RARB: variants seen among roughly 807,000 people sequenced by gnomAD.
The protein encoded by RARB is retinoic acid receptor beta.
Under a neutral mutation model 51.9 loss-of-function variants are expected in RARB, and 17 were observed. The ratio of observed to expected loss-of-function variants is 0.33; its 90% CI spans 0.22 to 0.49. The LOEUF (loss-of-function observed/expected upper bound fraction) is 0.49, where lower values mean the gene tolerates loss of function less well. Ranked by LOEUF, RARB falls within the 20% of genes least tolerant of loss-of-function variation. The pLI is 0.99. For missense variants in RARB, 369 were observed against 550.8 expected (o/e 0.67, Z 3.30); for synonymous variants, 215 against 195.4 (o/e 1.10, Z -0.84).
At chr3:25,225,506 G>A (rs1002198241) in intron 5 of RARB, among the ~76,000 whole-genome samples, 1 of 152,166 alleles carries the variant, frequency 6.6e-6, no homozygotes, top group African/African-American at 2.4e-5. Flanking sequence ...ATGGAACTCA[G>A]CATCATTGTA....
chr3:25,574,777 T>C (rs1368817434), intron 4 of RARB, among the ~76,000 whole-genome samples: 4 of 152,240 alleles, frequency 2.6e-5, no homozygotes, highest in Non-Finnish European at 4.4e-5. Flanking sequence ...GAAGGCTGTT[T>C]TGAGCACTTG....
At chr3:25,068,252 C>G (rs988489362) in intron 3 of RARB, among the ~76,000 whole-genome samples, 2 of 150,626 alleles carry the variant, frequency 1.3e-5, no homozygotes, top group Non-Finnish European at 3.0e-5. Flanking sequence ...CCACCCACAA[C>G]CCCTTTCCCC....
chr3:25,461,184 C>G lies in RARB; in HGVS notation c.158-9C>G, dbSNP rs78470280. 1,974 of 1,602,584 alleles carry G rather than the reference C, an allele frequency of 1.2e-3. 23 individuals carry two copies. In the African/African-American group the frequency reaches 0.024, roughly 19 times the overall value. On this transcript the variant is annotated splice_polypyrimidine_tract_variant and intron_variant, in intron 1 of 7. Transcript: ENST00000330688. Reference sequence around the variant, plus strand: ...TCTTTTTTCTCCCTCTACCCCATCTCTATTATAGCAATTGAAACACAGAGC... The same window carrying G: ...TCTTTTTTCTCCCTCTACCCCATCTGTATTATAGCAATTGAAACACAGAGC...
At chr3:24,909,856 T>A (rs1187438533) in intron 2 of RARB, among the ~76,000 whole-genome samples, 2 of 152,182 alleles carry the variant, frequency 1.3e-5, no homozygotes, top group Non-Finnish European at 2.9e-5. Context: ...TTTGTATGCA[T>A]GTTAGCATAA....
At chr3:24,832,312 A>G (rs944106134) in intron 1 of RARB, among the ~76,000 whole-genome samples, 19 of 152,090 alleles carry the variant, frequency 1.2e-4, no homozygotes, top group African/African-American at 4.6e-4. Context: ...TGCTGATCTC[A>G]TGTGGAACAG....
At chr3:24,981,237 TGAG>T (rs1253284545) in intron 2 of RARB, among the ~76,000 whole-genome samples, 2 of 152,174 alleles carry the variant, frequency 1.3e-5, no homozygotes, top group African/African-American at 2.4e-5. Context: ...GGGACCCACT[TGAG>T]GAGGCAGTCT....
chr3:24,943,816 T>C (rs972667561), intron 2 of RARB, among the ~76,000 whole-genome samples: 1 of 152,214 alleles, frequency 6.6e-6, no homozygotes, highest in African/African-American at 2.4e-5. Context: ...TCTGTGCATT[T>C]GAAAACTTAG....
intron 2 of RARB, among the ~76,000 whole-genome samples, chr3:24,925,340 T>G (rs17015464): frequency 0.085 from 12,876 of 152,102 alleles, 1,301 homozygotes; most frequent in African/African-American, 0.24. Context: ...GTTGTAGATA[T>G]GTCCTTGGAA....
intron 2 of RARB, among the ~76,000 whole-genome samples, chr3:24,867,240 G>A (rs1048341031): frequency 6.6e-6 from 1 of 152,232 alleles, no homozygotes; most frequent in Non-Finnish European, 1.5e-5. Context: ...AGGTGGTTAA[G>A]TTTTGGGGAG....
intron 2 of RARB, among the ~76,000 whole-genome samples, chr3:24,900,342 T>G (rs555134989): frequency 6.6e-6 from 1 of 152,234 alleles, no homozygotes; most frequent in Non-Finnish European, 1.5e-5. Flanking sequence ...AGAGGCTGAT[T>G]ACAACATAAT....
chr3:25,040,938 A>G (rs965746497), intron 2 of RARB, among the ~76,000 whole-genome samples: 1 of 151,952 alleles, frequency 6.6e-6, no homozygotes, highest in African/African-American at 2.4e-5. Context: ...TGGAATGTGA[A>G]CTCTTTGAGG....
At chr3:24,923,144 T>C (rs1695253198) in intron 2 of RARB, among the ~76,000 whole-genome samples, 1 of 152,170 alleles carries the variant, frequency 6.6e-6, no homozygotes, top group Non-Finnish European at 1.5e-5. Flanking sequence ...CACATTATTT[T>C]TCCAGCTGGG....
intron 3 of RARB, among the ~76,000 whole-genome samples, chr3:25,106,978 G>A (rs934113611): frequency 3.9e-5 from 6 of 151,928 alleles, no homozygotes; most frequent in African/African-American, 1.4e-4. Context: ...TCAGCTCACT[G>A]CAACCTCCGC....
At chr3:25,355,284 T>G (rs559469216) in intron 5 of RARB, among the ~76,000 whole-genome samples, 46 of 152,160 alleles carry the variant, frequency 3.0e-4, no homozygotes, top group Non-Finnish European at 8.8e-5. Flanking sequence ...TGTGGTTAGG[T>G]TTGGGCGTGT....
At chr3:25,013,559 T>G (rs1697443111) in intron 2 of RARB, among the ~76,000 whole-genome samples, 4 of 152,082 alleles carry the variant, frequency 2.6e-5, no homozygotes, top group Admixed American at 2.6e-4. Context: ...ACCTCTGATT[T>G]GAACCCTTAA....
chr3:25,501,047 T>C, intron 2 of RARB, 135 bp from the exon 3 acceptor site: 1 of 1,045,924 alleles, frequency 9.6e-7, no homozygotes. Context: ...TTTTAAGGTT[T>C]ATGTAAGTTA....
chr3:25,559,939 CTATTTGGATGGA>C (rs1700205783), intron 3 of RARB, among the ~76,000 whole-genome samples: 1 of 152,062 alleles, frequency 6.6e-6, no homozygotes, highest in Non-Finnish European at 1.5e-5. Flanking sequence ...TCTTGGATGT[CTATTTGGATGGA>C]TAGACAGATG....
intron 2 of RARB, among the ~76,000 whole-genome samples, chr3:24,924,007 G>T (rs895965969): frequency 1.3e-5 from 2 of 152,112 alleles, no homozygotes; most frequent in Non-Finnish European, 2.9e-5. Flanking sequence ...TATTAAGGTT[G>T]TTTGGCTTGT....
At chr3:24,940,658 A>G (rs1332932379) in intron 2 of RARB, among the ~76,000 whole-genome samples, 1 of 152,070 alleles carries the variant, frequency 6.6e-6, no homozygotes, top group Non-Finnish European at 1.5e-5. Context: ...GTGTTCTTAG[A>G]ATAACCAGCC....
Sources: gnomAD v4.1 joint callset for allele counts (sites outside exome capture counted in the v4.1 genomes callset) on GRCh38, gnomAD v4.1.1 for gene constraint, MANE v1.5 for transcripts, NCBI Gene and HGNC (gene_info 2026-07-23, HGNC 2026-07-21) for gene names.